The following FHIT variants were observed in gnomAD, a reference collection of about 807,000 sequenced individuals.
The protein encoded by FHIT is bis(5'-adenosyl)-triphosphatase.
A neutral mutation model predicts 17.9 loss-of-function variants in FHIT; 19 were observed. That is an observed-to-expected ratio of 1.06 (90% confidence interval 0.74 to 1.56). The LOEUF is 1.56. Ranked by LOEUF, FHIT falls within the 40% of genes most tolerant of loss-of-function variation. The probability of loss-of-function intolerance (pLI) is 0.00; values close to 1 mark genes in which losing one functional copy is unlikely to be tolerated. For synonymous variants in FHIT, 81 were observed against 69.7 expected (o/e 1.16, Z -0.81); for missense variants, 248 against 189.2 (o/e 1.31, Z -1.82).
chr3:60,877,095 T>C (rs1412363812), intron 3 of FHIT, among the ~76,000 whole-genome samples: 2 of 152,196 alleles, frequency 1.3e-5, no homozygotes, highest in Non-Finnish European at 2.9e-5. Flanking sequence ...GGGAGCTGCC[T>C]ACAGGCCACA....
intron 5 of FHIT, among the ~76,000 whole-genome samples, chr3:60,190,536 G>A (rs575327000): frequency 1.3e-5 from 2 of 152,058 alleles, no homozygotes; most frequent in African/African-American, 4.8e-5. Context: ...ATCACCTGAG[G>A]TCAGGAGTTT....
intron 5 of FHIT, among the ~76,000 whole-genome samples, chr3:60,210,036 G>A (rs538557638): frequency 2.5e-4 from 38 of 152,046 alleles, no homozygotes; most frequent in African/African-American, 6.3e-4. Context: ...CACGTTCTGC[G>A]CATGTATCCC....
At chr3:59,872,598 T>C (rs371458933) in intron 8 of FHIT, among the ~76,000 whole-genome samples, 51 of 152,300 alleles carry the variant, frequency 3.3e-4, no homozygotes, top group African/African-American at 1.1e-3. Flanking sequence ...CCAGGTTGCA[T>C]AGTGAGAGTC....
At chr3:60,419,165 C>G (rs1370756197) in intron 5 of FHIT, among the ~76,000 whole-genome samples, 3 of 152,172 alleles carry the variant, frequency 2.0e-5, no homozygotes, top group Non-Finnish European at 2.9e-5. Context: ...TCATCTTAGA[C>G]AAGTTACTAC....
chr3:61,087,461 A>T (rs75548437), intron 2 of FHIT, among the ~76,000 whole-genome samples: 1 of 152,110 alleles, frequency 6.6e-6, no homozygotes, highest in Non-Finnish European at 1.5e-5. Flanking sequence ...AACTTCCTAA[A>T]CTATAAAATG....
chr3:60,687,448 T>C lies in FHIT; in HGVS notation c.-18+134471A>G, dbSNP rs114144697. On this transcript the variant is annotated intron_variant, in intron 4 of 9. Coordinates refer to ENST00000492590, the MANE Select transcript of FHIT (RefSeq NM_002012.4). ...AAAAATTTGGTTTTTGTTATCATTA[T>C]TTCTCTTTTCCAAGCTACTGATTTT... Among the ~76,000 whole-genome samples, 476 of 152,254 alleles carry C rather than the reference T, an allele frequency of 3.1e-3. 4 individuals carry two copies. Among genetic ancestry groups the C allele is most frequent in the African/African-American group, 0.011 (457 of 41,580 alleles).
chr3:60,982,748 T>G (rs1286723447), intron 3 of FHIT, among the ~76,000 whole-genome samples: 1 of 152,242 alleles, frequency 6.6e-6, no homozygotes, highest in Non-Finnish European at 1.5e-5. Context: ...ATTCACTGCT[T>G]ATTGTCTTTC....
intron 4 of FHIT, among the ~76,000 whole-genome samples, chr3:60,569,750 T>TAC (rs1559547741): frequency 0.055 from 2,560 of 46,268 alleles, 65 homozygotes; most frequent in East Asian, 0.2. Context: ...TATATATATA[T>TAC]ATATATTTTT....
intron 7 of FHIT, among the ~76,000 whole-genome samples, chr3:59,999,678 C>T (rs180900461): frequency 6.6e-6 from 1 of 152,008 alleles, no homozygotes; most frequent in South Asian, 2.1e-4. Flanking sequence ...AATTTCAGCT[C>T]GCTGCACCCT....
chr3:61,001,986 G>C (rs1398448270), intron 3 of FHIT, among the ~76,000 whole-genome samples: 2 of 152,082 alleles, frequency 1.3e-5, no homozygotes, highest in Non-Finnish European at 2.9e-5. Context: ...TGTATCTACT[G>C]TTATTTCAAA....
intron 4 of FHIT, among the ~76,000 whole-genome samples, chr3:60,684,105 C>A (rs1023708637): frequency 9.2e-5 from 14 of 152,002 alleles, no homozygotes; most frequent in African/African-American, 3.4e-4. Context: ...TAAAAAATAA[C>A]CACAAACTTT....
chr3:60,888,987 C>A (rs1172651061), intron 3 of FHIT, among the ~76,000 whole-genome samples: 1 of 152,100 alleles, frequency 6.6e-6, no homozygotes, highest in Non-Finnish European at 1.5e-5. Flanking sequence ...AATTCTTTGC[C>A]TTCTACTTTT....
chr3:59,790,915 G>C (rs1699529207), intron 8 of FHIT, among the ~76,000 whole-genome samples: 1 of 152,048 alleles, frequency 6.6e-6, no homozygotes, highest in Non-Finnish European at 1.5e-5. Context: ...TGGAGCATTA[G>C]TAAAGCAGGA....
intron 1 of FHIT, among the ~76,000 whole-genome samples, chr3:61,215,848 G>A (rs1000403231): frequency 6.6e-6 from 1 of 152,112 alleles, no homozygotes; most frequent in East Asian, 1.9e-4. Flanking sequence ...CCGCATATCT[G>A]CAACTATGTG....
At chr3:60,165,392 G>A (rs1441161550) in intron 5 of FHIT, among the ~76,000 whole-genome samples, 1 of 152,176 alleles carries the variant, frequency 6.6e-6, no homozygotes, top group African/African-American at 2.4e-5. Context: ...TGAACTTTAG[G>A]AATTAAAGAA....
chr3:60,378,327 G>A (rs992925770), intron 5 of FHIT, among the ~76,000 whole-genome samples: 1 of 152,150 alleles, frequency 6.6e-6, no homozygotes, highest in African/African-American at 2.4e-5. Flanking sequence ...CAAACAGGCT[G>A]ATTATGAAGA....
chr3:59,953,897 G>C (rs922509527), intron 7 of FHIT, among the ~76,000 whole-genome samples: 1 of 152,208 alleles, frequency 6.6e-6, no homozygotes, highest in African/African-American at 2.4e-5. Flanking sequence ...GATGCCTGTG[G>C]TGTGAGTCAG....
intron 4 of FHIT, among the ~76,000 whole-genome samples, chr3:60,544,008 T>C (rs2107612105): frequency 6.8e-6 from 1 of 147,712 alleles, no homozygotes; most frequent in East Asian, 2.0e-4. Flanking sequence ...TCCACCCATC[T>C]TGGCTTCTCA....
At chr3:60,001,946 T>A (rs115909829) in intron 7 of FHIT, among the ~76,000 whole-genome samples, 2 of 152,260 alleles carry the variant, frequency 1.3e-5, no homozygotes, top group African/African-American at 4.8e-5. Flanking sequence ...ATGGAAAGCA[T>A]GATAAGAAAA....
Sources: gnomAD v4.1 joint callset for allele counts (sites outside exome capture counted in the v4.1 genomes callset) on GRCh38, gnomAD v4.1.1 for gene constraint, MANE v1.5 for transcripts, NCBI Gene and HGNC (gene_info 2026-07-23, HGNC 2026-07-21) for gene names.